GLT8D2: variants seen among roughly 807,000 people sequenced by gnomAD.
GLT8D2 encodes glycosyltransferase 8 domain containing 2, also known as glycosyltransferase 8 domain-containing protein 2.
In GLT8D2, 45 loss-of-function variants were observed where a neutral mutation model predicts 44.5. That is an observed-to-expected ratio of 1.01 (90% CI 0.80 to 1.30). The LOEUF is 1.30. Among genes scored for constraint, GLT8D2 ranks in the 50% most tolerant of loss-of-function variants. The pLI is 0.00. For missense variants in GLT8D2, 400 were observed against 430.4 expected (o/e 0.93, Z 0.62); for synonymous variants, 156 against 157.2 (o/e 0.99, Z 0.06).
At chr12:104,058,018 T>C (rs1882330878) in intron 1 of GLT8D2, among the ~76,000 whole-genome samples, 1 of 152,218 alleles carries the variant, frequency 6.6e-6, no homozygotes, top group African/African-American at 2.4e-5. Flanking sequence ...GTGGTGCTGC[T>C]GAACAGCCAC....
At position 104,022,070 on chromosome 12, in the gene GLT8D2, G is replaced by GA. The variant is rs761618777; in HGVS notation, c.-163-580dup. On this transcript the variant is annotated intron_variant, in intron 1 of 10. Coordinates refer to ENST00000360814, the MANE Select transcript of GLT8D2 (RefSeq NM_001384711.1). Reference sequence around the variant, plus strand: ...AAGAAGAAGAAGGGAAAGAAAGAAAGAAAGAAAAAAAAAGAAAGAAAGAAA... The same window carrying GA: ...AAGAAGAAGAAGGGAAAGAAAGAAAGAAAAGAAAAAAAAAGAAAGAAAGAAA... Among the ~76,000 whole-genome samples the GA allele has an allele frequency of 4.5e-4, 45 of 100,896 alleles. 2 individuals carry two copies. Among genetic ancestry groups the GA allele is most frequent in the South Asian group, 1.8e-3 (5 of 2,830 alleles). The allele number at this position is 100,896 out of a possible 152,430, so 66.2% of individuals were successfully genotyped here.
intron 4 of GLT8D2, among the ~76,000 whole-genome samples, chr12:104,013,651 G>A (rs1218420415): frequency 6.6e-6 from 1 of 152,056 alleles, no homozygotes; most frequent in African/African-American, 2.4e-5. Context: ...CCAGCTTCCT[G>A]GGAATAGGGA....
At chr12:104,026,140 G>T (rs758042736) in intron 1 of GLT8D2, among the ~76,000 whole-genome samples, 1 of 151,814 alleles carries the variant, frequency 6.6e-6, no homozygotes, top group Non-Finnish European at 1.5e-5. Context: ...TTGGCTGGAC[G>T]TGGTGGGCCA....
intron 1 of GLT8D2, among the ~76,000 whole-genome samples, chr12:104,036,374 T>C (rs1658510777): frequency 6.6e-6 from 1 of 152,028 alleles, no homozygotes; most frequent in African/African-American, 2.4e-5. Context: ...GCAAATTGGA[T>C]AAAGAGTCAA....
At chr12:104,007,968 T>G (rs1875306970) in intron 4 of GLT8D2, among the ~76,000 whole-genome samples, 1 of 152,260 alleles carries the variant, frequency 6.6e-6, no homozygotes, top group African/African-American at 2.4e-5. Context: ...GCCATGATTC[T>G]GAGGCTTCTC....
chr12:104,041,725 GA>G (rs1880573731), intron 1 of GLT8D2, among the ~76,000 whole-genome samples: 1 of 152,212 alleles, frequency 6.6e-6, no homozygotes, highest in African/African-American at 2.4e-5. Context: ...CCAGGCACTA[GA>G]GATTCAAAGA....
intron 5 of GLT8D2, 33 bp from the exon 6 acceptor site, chr12:103,999,547 C>T: frequency 3.9e-6 from 5 of 1,269,184 alleles, no homozygotes; most frequent in East Asian, 2.3e-5. Flanking sequence ...CTCTAGTATA[C>T]CCTTCAATTC....
At chr12:104,042,291 A>T (rs1880645434) in intron 1 of GLT8D2, among the ~76,000 whole-genome samples, 1 of 152,152 alleles carries the variant, frequency 6.6e-6, no homozygotes, top group South Asian at 2.1e-4. Context: ...TGGGGCCATA[A>T]TGGCTGGAGC....
chr12:104,048,307 A>T (rs76054176), intron 1 of GLT8D2, among the ~76,000 whole-genome samples: 5,553 of 152,252 alleles, frequency 0.036, 345 homozygotes, highest in African/African-American at 0.13. Flanking sequence ...ACTGTTTGGG[A>T]ATCATTGCGT....
Position 104,021,867 on chromosome 12 carries a change from AAAGAAGAAGAAGAAGAAGAAGAAGAAG to A in GLT8D2, c.-163-403_-163-377del, listed in dbSNP as rs1175888989. Among the ~76,000 whole-genome samples, 62 of 93,636 alleles carry A rather than the reference AAAGAAGAAGAAGAAGAAGAAGAAGAAG, an allele frequency of 6.6e-4. 2 individuals are homozygous for A. The highest frequency in any genetic ancestry group is 2.8e-3 in the South Asian group (8 of 2,888). The allele number at this position is 93,636 out of a possible 152,430, so 61.4% of individuals were successfully genotyped here. ...GAAGGAGAAGGAGAAGGAGAAGAAG[AAAGAAGAAGAAGAAGAAGAAGAAGAAG>A]AAGAAGAAGAAGAAGAAGAAGAAGA... On this transcript the variant is annotated intron_variant, in intron 1 of 10. Coordinates refer to ENST00000360814, the MANE Select transcript of GLT8D2 (RefSeq NM_001384711.1).
At chr12:104,004,596 A>G (rs1182622335) in intron 4 of GLT8D2, among the ~76,000 whole-genome samples, 3 of 152,242 alleles carry the variant, frequency 2.0e-5, no homozygotes, top group Non-Finnish European at 2.9e-5. Flanking sequence ...ACAGACAAAC[A>G]GAGAGCCAAA....
intron 4 of GLT8D2, among the ~76,000 whole-genome samples, chr12:104,012,087 C>T (rs1324020692): frequency 6.7e-6 from 1 of 148,850 alleles, no homozygotes; most frequent in South Asian, 2.1e-4. Flanking sequence ...AGGAGAATCA[C>T]TTGAACCCAG....
chr12:104,016,775 G>GAAAGAAAGAAAGAAGGA (rs201617792), intron 3 of GLT8D2, among the ~76,000 whole-genome samples: 11 of 74,746 alleles, frequency 1.5e-4, no homozygotes, highest in Non-Finnish European at 2.7e-4. Flanking sequence ...AAGAAAGAAA[G>GAAAGAAAGAAAGAAGGA]AAGGAAGGAA....
intron 1 of GLT8D2, among the ~76,000 whole-genome samples, chr12:104,060,392 T>C (rs1259599764): frequency 2.2e-4 from 33 of 152,218 alleles, no homozygotes; most frequent in Admixed American, 2.2e-3. Flanking sequence ...GGACCTATTT[T>C]AGATGCCTCC....
At chr12:104,056,642 G>A (rs1173253071) in intron 1 of GLT8D2, among the ~76,000 whole-genome samples, 2 of 152,204 alleles carry the variant, frequency 1.3e-5, no homozygotes, top group East Asian at 1.9e-4. Flanking sequence ...AATTAGCACC[G>A]TTTAGTTATA....
intron 4 of GLT8D2, among the ~76,000 whole-genome samples, chr12:104,010,916 C>T (rs186837405): frequency 2.5e-4 from 38 of 152,262 alleles, no homozygotes; most frequent in Admixed American, 1.9e-3. Flanking sequence ...CAGAGTCAGA[C>T]GGAGGCCTTC....
rs1566191862 is a variant in GLT8D2 at position 103,999,537 on chromosome 12, C to T, written c.285-23G>A. ...TTTCTAAAAAGATGACCAAAAAAAC[C>T]TCTAGTATACCCTTCAATTCTTTCC... On this transcript the variant is annotated intron_variant, in intron 5 of 10. Coordinates refer to ENST00000360814, the MANE Select transcript of GLT8D2 (RefSeq NM_001384711.1). 4.4e-6 allele frequency: 6 copies of T among 1,361,236 alleles called. No homozygotes were observed. The Admixed American group carries it at 5.0e-5, about 11-fold the overall frequency. The allele number at this position is 1,361,236 out of a possible 1,614,324, so 84.3% of individuals were successfully genotyped here.
chr12:103,992,770 G>A (rs1872920559), intron 10 of GLT8D2, among the ~76,000 whole-genome samples: 1 of 152,074 alleles, frequency 6.6e-6, no homozygotes, highest in Non-Finnish European at 1.5e-5. Context: ...GGGATTACAA[G>A]CGTGAGCCAC....
chr12:104,010,988 G>C (rs896276950), intron 4 of GLT8D2, among the ~76,000 whole-genome samples: 1 of 152,200 alleles, frequency 6.6e-6, no homozygotes, highest in Non-Finnish European at 1.5e-5. Context: ...GGACACTCCA[G>C]AAAAAGGTCA....
Sources: gnomAD v4.1 joint callset for allele counts (sites outside exome capture counted in the v4.1 genomes callset) on GRCh38, gnomAD v4.1.1 for gene constraint, MANE v1.5 for transcripts, NCBI Gene and HGNC (gene_info 2026-07-23, HGNC 2026-07-21) for gene names.